MCTP1: variants seen among roughly 807,000 people sequenced by gnomAD.
The protein encoded by MCTP1 is multiple C2 and transmembrane domain-containing protein 1.
MCTP1 carries 69 observed loss-of-function variants against 120.6 expected under a neutral mutation model. The observed-to-expected ratio is 0.57, with a 90% CI of 0.47 to 0.70. The LOEUF (loss-of-function observed/expected upper bound fraction) is 0.70, where lower values mean the gene tolerates loss of function less well. Among genes scored for constraint, MCTP1 ranks in the 30% least tolerant of loss-of-function variants. MCTP1 has a pLI of 0.00. For synonymous variants in MCTP1, 529 were observed against 493.1 expected, an observed-to-expected ratio of 1.07 and a Z score of -0.96; for missense variants, 1,203 against 1,248.8, an observed-to-expected ratio of 0.96 and a Z score of 0.55.
chr5:95,275,945 T>A (rs1759791920), intron 1 of MCTP1, among the ~76,000 whole-genome samples: 1 of 152,118 alleles, frequency 6.6e-6, no homozygotes, highest in Non-Finnish European at 1.5e-5. Context: ...GCATGTGAGA[T>A]GTTTAAAAAT....
At chr5:95,186,254 A>T (rs1191427635) in intron 1 of MCTP1, among the ~76,000 whole-genome samples, 1 of 149,898 alleles carries the variant, frequency 6.7e-6, no homozygotes, top group Non-Finnish European at 1.5e-5. Context: ...AATCCCAAGG[A>T]ATCTACCAAA....
chr5:95,016,663 G>T (rs895533521), intron 2 of MCTP1, among the ~76,000 whole-genome samples: 1 of 151,884 alleles, frequency 6.6e-6, no homozygotes, highest in South Asian at 2.1e-4. Flanking sequence ...GGCCCTCAAC[G>T]TATCCACCTC....
chr5:95,101,468 G>A (rs1227375480), intron 1 of MCTP1, among the ~76,000 whole-genome samples: 1 of 152,208 alleles, frequency 6.6e-6, no homozygotes, highest in Non-Finnish European at 1.5e-5. Flanking sequence ...CAATTTTCAT[G>A]TATTTACTTT....
At chr5:95,036,923 C>CTCACTCACTCAT (rs897232818) in intron 1 of MCTP1, among the ~76,000 whole-genome samples, 1 of 151,862 alleles carries the variant, frequency 6.6e-6, no homozygotes. Context: ...CACTCACTCA[C>CTCACTCACTCAT]TCACTCATTT....
At chr5:95,015,845 G>T (rs879489429) in intron 2 of MCTP1, among the ~76,000 whole-genome samples, 1 of 151,810 alleles carries the variant, frequency 6.6e-6, no homozygotes, top group Non-Finnish European at 1.5e-5. Flanking sequence ...ATAAATTATT[G>T]TATATATATG....
chr5:95,065,678 G>C (rs1165228048), intron 1 of MCTP1, among the ~76,000 whole-genome samples: 2 of 152,136 alleles, frequency 1.3e-5, no homozygotes, highest in South Asian at 2.1e-4. Flanking sequence ...TTTCCTTTGA[G>C]ATTGAGAAAA....
At chr5:94,928,148 A>T (rs1302158444) in intron 6 of MCTP1, among the ~76,000 whole-genome samples, 1 of 151,802 alleles carries the variant, frequency 6.6e-6, no homozygotes, top group Non-Finnish European at 1.5e-5. Flanking sequence ...ATTTATTGAA[A>T]GCACATAAGT....
intron 1 of MCTP1, among the ~76,000 whole-genome samples, chr5:95,235,431 T>C (rs1334381533): frequency 6.6e-6 from 1 of 151,992 alleles, no homozygotes; most frequent in Non-Finnish European, 1.5e-5. Context: ...TCACTTCTAT[T>C]CAATATTTTT....
At chr5:94,819,675 C>A (rs1683564039) in intron 17 of MCTP1, among the ~76,000 whole-genome samples, 1 of 152,188 alleles carries the variant, frequency 6.6e-6, no homozygotes, top group South Asian at 2.1e-4. Context: ...AATTATTGAC[C>A]TTTTTATATC....
chr5:94,791,738 G>A (rs1779016339), intron 18 of MCTP1: 2 of 152,360 alleles, frequency 1.3e-5, no homozygotes, highest in East Asian at 1.9e-4. Context: ...CATAGAAAGA[G>A]TATATAGAAT....
At chr5:95,267,107 A>G (rs1411085837) in intron 1 of MCTP1, among the ~76,000 whole-genome samples, 2 of 152,262 alleles carry the variant, frequency 1.3e-5, no homozygotes, top group African/African-American at 4.8e-5. Flanking sequence ...GAGAAAATAT[A>G]CAGGAAAATA....
At chr5:94,867,774 C>T (rs2153275758) in intron 17 of MCTP1, 1 of 172,230 alleles carries the variant, frequency 5.8e-6, no homozygotes, top group South Asian at 1.8e-4. Context: ...TTAAAGGACT[C>T]TTTGGATCTA....
At chr5:94,832,397 A>C (rs1287391698) in intron 17 of MCTP1, among the ~76,000 whole-genome samples, 1 of 152,198 alleles carries the variant, frequency 6.6e-6, no homozygotes, top group Non-Finnish European at 1.5e-5. Flanking sequence ...AGAAGACCCA[A>C]GCTTTCAAAG....
At chr5:95,277,153 A>G (rs981264278) in intron 1 of MCTP1, among the ~76,000 whole-genome samples, 5 of 152,182 alleles carry the variant, frequency 3.3e-5, no homozygotes, top group Admixed American at 2.0e-4. Flanking sequence ...GAGGCCAGAA[A>G]GGAGACTTGG....
intron 19 of MCTP1, among the ~76,000 whole-genome samples, chr5:94,734,745 G>A (rs1763832330): frequency 6.6e-6 from 1 of 152,102 alleles, no homozygotes; most frequent in African/African-American, 2.4e-5. Context: ...ATGTGAGTGA[G>A]GCATCATGCC....
intron 19 of MCTP1, among the ~76,000 whole-genome samples, chr5:94,762,917 T>C (rs1771674303): frequency 6.6e-6 from 1 of 152,208 alleles, no homozygotes; most frequent in Non-Finnish European, 1.5e-5. Flanking sequence ...TTATTGTGAA[T>C]ATTAAATAAG....
At chr5:94,979,502 C>T (rs550936362) in intron 2 of MCTP1, 5 of 152,026 alleles carry the variant, frequency 3.3e-5, no homozygotes, top group Non-Finnish European at 7.4e-5. Flanking sequence ...TAGAGTATAG[C>T]CAAGAATGCT....
chr5:94,820,126 A>G (rs957710954), intron 17 of MCTP1, among the ~76,000 whole-genome samples: 1 of 152,240 alleles, frequency 6.6e-6, no homozygotes, highest in African/African-American at 2.4e-5. Flanking sequence ...AAACAACAGA[A>G]AAAGTGTTTC....
intron 17 of MCTP1, among the ~76,000 whole-genome samples, chr5:94,806,631 C>T (rs1782367674): frequency 6.6e-6 from 1 of 152,028 alleles, no homozygotes; most frequent in South Asian, 2.1e-4. Flanking sequence ...CCTGGGGGAG[C>T]CCACTTCAAA....
Sources: gnomAD v4.1 joint callset for allele counts (sites outside exome capture counted in the v4.1 genomes callset) on GRCh38, gnomAD v4.1.1 for gene constraint, MANE v1.5 for transcripts, NCBI Gene and HGNC (gene_info 2026-07-23, HGNC 2026-07-21) for gene names.